The following SGCD variants were observed in gnomAD, a reference collection of about 807,000 sequenced individuals.
SGCD encodes the protein sarcoglycan delta.
In SGCD, 18 loss-of-function variants were observed where a neutral mutation model predicts 36.6. The observed-to-expected ratio is 0.49, with a 90% CI of 0.34 to 0.73. The LOEUF (loss-of-function observed/expected upper bound fraction) is 0.73, where lower values mean the gene tolerates loss of function less well. SGCD is among the 30% of genes least tolerant of loss of function. The probability of loss-of-function intolerance (pLI) is 0.01; values close to 1 mark genes in which losing one functional copy is unlikely to be tolerated. For missense variants in SGCD, 387 were observed against 346.7 expected, an observed-to-expected ratio of 1.12 and a Z score of -0.92; for synonymous variants, 133 against 130.6, an observed-to-expected ratio of 1.02 and a Z score of -0.12.
At chr5:155,758,415 A>G in the SGCD span, among the ~76,000 whole-genome samples, 9 of 152,198 alleles carry the variant, frequency 5.9e-5, 1 homozygote, top group Non-Finnish European at 4.4e-5. Flanking sequence ...GAAGTCATCA[A>G]TACTTTTATG....
In SGCD at chr5:155,929,296, G is replaced by A. The variant is rs112129922; in HGVS notation, c.-282+58872G>A. 5.9e-5 allele frequency among the ~76,000 whole-genome samples: 9 copies of A among 152,234 alleles called. No homozygotes were observed. The South Asian group carries it at 6.2e-4, about 11-fold the overall frequency. The stretch of plus-strand genomic sequence containing the variant: ...CTAGCATTGTACATACTTGCTCAGC[G>A]GTTTGAATGAGGGGATAACTGCAGG... On this transcript the variant is annotated intron_variant, in intron 1 of 9. Coordinates refer to the SGCD transcript ENST00000517913.
At chr5:156,654,324 G>A (rs897283349) in intron 7 of SGCD, among the ~76,000 whole-genome samples, 1 of 152,142 alleles carries the variant, frequency 6.6e-6, no homozygotes, top group African/African-American at 2.4e-5. Flanking sequence ...GGCCTGCAGA[G>A]CAGATAATGT....
intron 6 of SGCD, among the ~76,000 whole-genome samples, chr5:156,606,254 T>A (rs2113437255): frequency 6.6e-6 from 1 of 152,350 alleles, no homozygotes. Context: ...AGTTTCAGCT[T>A]TCTACACATG....
At chr5:155,894,903 C>T (rs1756213556) in intron 1 of SGCD, among the ~76,000 whole-genome samples, 1 of 152,124 alleles carries the variant, frequency 6.6e-6, no homozygotes, top group Non-Finnish European at 1.5e-5. Flanking sequence ...ATGTGCTTGA[C>T]TCATCCTGCA....
At chr5:156,298,296 G>A (rs1399945405) in intron 3 of SGCD, among the ~76,000 whole-genome samples, 1 of 152,044 alleles carries the variant, frequency 6.6e-6, no homozygotes, top group Non-Finnish European at 1.5e-5. Flanking sequence ...CAGATTGCTG[G>A]ATCGTGTGGT....
intron 3 of SGCD, among the ~76,000 whole-genome samples, chr5:156,401,564 G>A (rs1333311878): frequency 2.6e-5 from 4 of 152,142 alleles, no homozygotes; most frequent in African/African-American, 9.7e-5. Context: ...GACAAAGAAA[G>A]CCACAGGTGG....
At chr5:156,591,199 CTTG>C (rs1358293942) in intron 5 of SGCD, among the ~76,000 whole-genome samples, 1 of 152,128 alleles carries the variant, frequency 6.6e-6, no homozygotes, top group African/African-American at 2.4e-5. Context: ...GGGTGCTGTA[CTTG>C]TTGGAAAACA....
At chr5:156,534,762 C>T (rs1309104600) in intron 4 of SGCD, among the ~76,000 whole-genome samples, 2 of 152,102 alleles carry the variant, frequency 1.3e-5, no homozygotes, top group Non-Finnish European at 2.9e-5. Context: ...TCTCTCTATC[C>T]GTAATATGGG....
chr5:156,091,741 T>A (rs1431530355), intron 1 of SGCD, among the ~76,000 whole-genome samples: 1 of 152,240 alleles, frequency 6.6e-6, no homozygotes, highest in African/African-American at 2.4e-5. Context: ...TGGTCTGGTA[T>A]TCGCCCATTC....
the SGCD span, among the ~76,000 whole-genome samples, chr5:155,739,664 A>T: frequency 7.1e-4 from 108 of 152,298 alleles, no homozygotes; most frequent in Middle Eastern, 3.4e-3. Flanking sequence ...CCCAGTAAAC[A>T]TTTATTCAGT....
At chr5:156,257,250 G>A (rs970808550) in intron 3 of SGCD, among the ~76,000 whole-genome samples, 3 of 152,006 alleles carry the variant, frequency 2.0e-5, no homozygotes, top group East Asian at 1.9e-4. Context: ...CGAGGCGGGC[G>A]GATCACGAGG....
At chr5:156,002,757 G>A (rs1418328845) in intron 1 of SGCD, among the ~76,000 whole-genome samples, 4 of 152,184 alleles carry the variant, frequency 2.6e-5, no homozygotes, top group Non-Finnish European at 5.9e-5. Flanking sequence ...GGTCTACAGC[G>A]AGGTTCTGCA....
At chr5:156,692,932 C>G (rs1754174330) in intron 7 of SGCD, among the ~76,000 whole-genome samples, 1 of 152,188 alleles carries the variant, frequency 6.6e-6, no homozygotes. Context: ...TTATTATGCA[C>G]TAACCGTGTG....
At chr5:156,274,590 A>T (rs2127671090) in intron 3 of SGCD, among the ~76,000 whole-genome samples, 1 of 152,298 alleles carries the variant, frequency 6.6e-6, no homozygotes. Context: ...ATGTGGCTCC[A>T]GAGTACTATA....
chr5:156,737,124 C>A (rs1308550857), intron 7 of SGCD, among the ~76,000 whole-genome samples: 1 of 152,138 alleles, frequency 6.6e-6, no homozygotes, highest in East Asian at 1.9e-4. Context: ...TAAATGTATA[C>A]ATTCACATCA....
chr5:156,604,545 T>A (rs1024402481), intron 6 of SGCD, among the ~76,000 whole-genome samples: 1 of 151,858 alleles, frequency 6.6e-6, no homozygotes, highest in Non-Finnish European at 1.5e-5. Context: ...TGAAGTCTTA[T>A]AGTTACAATA....
At position 156,527,340 on chromosome 5, in the gene SGCD, G is replaced by T. The variant is rs574708648; in HGVS notation, c.294+18638G>T. ...ATGAGGGCAAGCTATAGAATATAAGGGGAGTCCATAGCATCCCAGGAGTTT... is the reference window on the plus strand; with the variant it reads ...ATGAGGGCAAGCTATAGAATATAAGTGGAGTCCATAGCATCCCAGGAGTTT... On this transcript the variant is annotated intron_variant, in intron 4 of 8. Transcript: ENST00000337851. 3.6e-3 allele frequency among the ~76,000 whole-genome samples: 551 copies of T among 152,280 alleles called. 3 individuals carry two copies. The highest frequency in any genetic ancestry group is 0.013 in the African/African-American group (531 of 41,556).
the SGCD span, among the ~76,000 whole-genome samples, chr5:155,852,820 A>C: frequency 6.6e-6 from 1 of 152,134 alleles, no homozygotes; most frequent in East Asian, 1.9e-4. Flanking sequence ...ATAGATGCTA[A>C]ATCACCTCTC....
intron 1 of SGCD, among the ~76,000 whole-genome samples, chr5:156,058,173 T>C (rs1367065967): frequency 6.8e-6 from 1 of 146,074 alleles, no homozygotes; most frequent in African/African-American, 2.5e-5. Context: ...AAACTGATTC[T>C]GAGCAAGCCT....
Sources: gnomAD v4.1 joint callset for allele counts (sites outside exome capture counted in the v4.1 genomes callset) on GRCh38, gnomAD v4.1.1 for gene constraint, MANE v1.5 for transcripts, NCBI Gene and HGNC (gene_info 2026-07-23, HGNC 2026-07-21) for gene names.